The following TMEM39B variants were observed in gnomAD, a reference collection of about 807,000 sequenced individuals.
The protein encoded by TMEM39B is transmembrane protein 39B.
TMEM39B carries 23 observed loss-of-function variants against 52.2 expected under a neutral mutation model. That is an observed-to-expected ratio of 0.44 (90% confidence interval 0.32 to 0.62). TMEM39B has a LOEUF of 0.62. TMEM39B is among the 20% of genes least tolerant of loss of function. TMEM39B has a pLI of 0.06. For synonymous variants in TMEM39B, 285 were observed against 264.0 expected, an observed-to-expected ratio of 1.08 and a Z score of -0.77; for missense variants, 547 against 642.0, an observed-to-expected ratio of 0.85 and a Z score of 1.60.
intron 7 of TMEM39B, among the ~76,000 whole-genome samples, chr1:32,098,190 G>A (rs1357899803): frequency 6.6e-6 from 1 of 151,294 alleles, no homozygotes; most frequent in Non-Finnish European, 1.5e-5. Flanking sequence ...TAGTAGAGAC[G>A]GGGTTTCACC....
chr1:32,091,812 G>C lies in TMEM39B; in HGVS notation c.728G>C (p.Arg243Pro). The change falls in exon 6 of 9, where the codon CGG (arginine) becomes CCG (proline). Residue 243 changes from arginine (R) to proline (P), a missense_variant. Arg to Pro is a moderately radical substitution (Grantham distance 103). Transcript: ENST00000336294. ...AGCCGGGACTACCTCCTGACACTGC[G>C]GGAGACGTGGAAGCAGCACACAAGA... ...AKSRDYLLTL[R>P]ETWKQHTRQL... 6.2e-7 allele frequency: 1 copy of C among 1,614,206 alleles called. No homozygotes were observed. The highest frequency in any genetic ancestry group is 2.2e-5 in the East Asian group (1 of 44,878).
At chr1:32,085,295 C>G (rs1422003689) in intron 5 of TMEM39B, among the ~76,000 whole-genome samples, 2 of 143,544 alleles carry the variant, frequency 1.4e-5, no homozygotes, top group Non-Finnish European at 2.9e-5. Context: ...TATTTAATCT[C>G]TCTCTCTCTC....
chr1:32,094,807 C>T lies in TMEM39B; in HGVS notation c.951C>T (p.Arg317=). The change falls in exon 7 of 9, where the codon CGC becomes CGT. Residue 317 remains arginine (R), a synonymous_variant. Transcript: ENST00000336294. ...FVKNTHYYDK[R]WSCELFLLVS... ...AGAACACACATTACTATGACAAGCG[C>T]TGGTCCTGTGAACTCTTCCTGCTGG... 1 of 1,614,252 alleles carries T rather than the reference C, an allele frequency of 6.2e-7. No homozygotes were observed. The highest frequency in any genetic ancestry group is 8.5e-7 in the Non-Finnish European group (1 of 1,180,044).
chr1:32,075,762 C>T lies in TMEM39B; in HGVS notation c.291C>T (p.Ile97=). The change falls in exon 3 of 9, where the codon ATC becomes ATT. Residue 97 remains isoleucine, a synonymous_variant. Transcript: ENST00000336294. ...CQLIALFVHY[I]NIYKTVWWYP... ...TCATAGCACTCTTCGTCCACTACAT[C>T]AACATCTACAAGACAGTGTGGTGGT... The T allele has an allele frequency of 1.3e-6, 2 of 1,550,732 alleles. No individual in the cohort carries two copies. The highest frequency in any genetic ancestry group is 4.9e-5 in the East Asian group (2 of 40,892).
Position 32,078,733 on chromosome 1 carries a change from T to C in TMEM39B, c.590+1415T>C, listed in dbSNP as rs374098010. ...TCGGCTCACTGCAACCTCTGCCTCC[T>C]GGATTCAAGCAATTTTCCTGCCTCA... On this transcript the variant is annotated intron_variant, in intron 5 of 8. Transcript: ENST00000336294. 6.7e-5 allele frequency among the ~76,000 whole-genome samples: 10 copies of C among 150,262 alleles called. No homozygotes were observed. The South Asian group carries it at 2.1e-3, about 32-fold the overall frequency.
At position 32,072,994 on chromosome 1, in the gene TMEM39B, A is replaced by G; in HGVS notation, c.-54A>G. ...CCTCTCCCGGCCGCCGTCGCCTCCGACATATTGCCCGCAGGAGCTGCGGCG... is the reference window on the plus strand; with the variant it reads ...CCTCTCCCGGCCGCCGTCGCCTCCGGCATATTGCCCGCAGGAGCTGCGGCG... On this transcript the variant is annotated 5_prime_UTR_variant, in exon 1 of 9. Coordinates refer to ENST00000336294, the MANE Select transcript of TMEM39B (RefSeq NM_018056.4). 3 of 1,532,998 alleles carry G rather than the reference A, an allele frequency of 2.0e-6. No individual in the cohort carries two copies. The highest frequency in any genetic ancestry group is 2.6e-6 in the Non-Finnish European group (3 of 1,138,510). The allele number at this position is 1,532,998 out of a possible 1,614,324, so 95.0% of individuals were successfully genotyped here. A position where few individuals can be genotyped will look rare whatever the true frequency, so the allele number is the denominator to read the frequency against.
chr1:32,091,493 T>TA (rs1319157540), intron 5 of TMEM39B, among the ~76,000 whole-genome samples, 182 bp from the exon 6 acceptor site: 1 of 152,176 alleles, frequency 6.6e-6, no homozygotes, highest in Non-Finnish European at 1.5e-5. Flanking sequence ...CGAGTGGTAA[T>TA]ACGTGTGCTG....
rs202046294 is a variant in TMEM39B at position 32,102,547 on chromosome 1, G to C, written c.1353G>C (p.Ser451=). The change falls in exon 9 of 9, where the codon TCG becomes TCC. Residue 451 remains serine (S), a synonymous_variant. Coordinates refer to ENST00000336294, the MANE Select transcript of TMEM39B (RefSeq NM_018056.4). ...CTGAAAAGTGGCACCAGACCATCTC[G>C]CTGGCCCTCATCCTCTTCAGCAACT... ...MSSEKWHQTI[S]LALILFSNYY... is the part of the protein sequence containing the mutation. 6.2e-7 allele frequency: 1 copy of C among 1,614,124 alleles called. No homozygotes were observed. Among genetic ancestry groups the C allele is most frequent in the South Asian group, 1.1e-5 (1 of 91,078 alleles).
intron 6 of TMEM39B, 103 bp downstream of exon 6, chr1:32,092,114 G>A (rs1344677801): frequency 6.5e-6 from 7 of 1,083,378 alleles, no homozygotes; most frequent in Non-Finnish European, 9.3e-6. Context: ...TGTTTTTGAT[G>A]TGATTTCCCA....
At chr1:32,092,466 T>C (rs933511028) in intron 6 of TMEM39B, among the ~76,000 whole-genome samples, 2 of 151,960 alleles carry the variant, frequency 1.3e-5, no homozygotes, top group African/African-American at 4.8e-5. Flanking sequence ...CCTGTGTCCA[T>C]TTTATTTTAC....
Position 32,072,962 on chromosome 1 carries a change from G to C in TMEM39B, c.-86G>C. ...CTGATACCCGGGACTGGGCTGCGGC[G>C]GTTAGTCCTCTCCCGGCCGCCGTCG... On this transcript the variant is annotated 5_prime_UTR_variant, in exon 1 of 9. Transcript: ENST00000336294. The C allele has an allele frequency of 2.0e-6, 3 of 1,505,122 alleles. No individual in the cohort carries two copies. Among genetic ancestry groups the C allele is most frequent in the Non-Finnish European group, 2.7e-6 (3 of 1,118,442 alleles). 93.2% of individuals were successfully genotyped at this position (1,505,122 alleles called of 1,614,324 possible).
At chr1:32,091,572 A>T in intron 5 of TMEM39B, 103 bp from the exon 6 acceptor site, 1 of 1,334,448 alleles carries the variant, frequency 7.5e-7, no homozygotes, top group Non-Finnish European at 1.0e-6. Context: ...CTGGGCAGCC[A>T]GGAGAGCTGA....
chr1:32,095,492 A>G (rs1309575162), intron 7 of TMEM39B, among the ~76,000 whole-genome samples: 2 of 152,112 alleles, frequency 1.3e-5, no homozygotes, highest in African/African-American at 4.8e-5. Flanking sequence ...GTGCTGTGCT[A>G]GTTGATGCTG....
intron 7 of TMEM39B, among the ~76,000 whole-genome samples, chr1:32,099,942 C>A (rs188283860): frequency 6.6e-6 from 1 of 152,098 alleles, no homozygotes; most frequent in East Asian, 1.9e-4. Flanking sequence ...AGCTACTCTT[C>A]AGGCTGAGGC....
In TMEM39B at chr1:32,096,854, G is replaced by T. The variant is rs543493639; in HGVS notation, c.1115+1883G>T. ...AGGTCCCACTCTGTCTCCCAGGCTG[G>T]AGTGCAGTGGTGCAATCACAGCTCA... On this transcript the variant is annotated intron_variant, in intron 7 of 8. Transcript: ENST00000336294. Among the ~76,000 whole-genome samples the T allele has an allele frequency of 1.4e-3, 214 of 151,880 alleles. 1 individual carries two copies. Among genetic ancestry groups the T allele is most frequent in the African/African-American group, 4.9e-3 (205 of 41,430 alleles).
chr1:32,083,676 C>T (rs1311985759), intron 5 of TMEM39B, among the ~76,000 whole-genome samples: 2 of 151,992 alleles, frequency 1.3e-5, no homozygotes, highest in African/African-American at 4.8e-5. Flanking sequence ...TCCATCTCAG[C>T]TTCCCAAAGT....
intron 7 of TMEM39B, among the ~76,000 whole-genome samples, chr1:32,097,799 C>T (rs1362084955): frequency 1.3e-5 from 2 of 151,888 alleles, no homozygotes; most frequent in Non-Finnish European, 1.5e-5. Flanking sequence ...TGCCCGCCAC[C>T]GCACCTGGCT....
At chr1:32,082,518 AAT>A (rs979592053) in intron 5 of TMEM39B, among the ~76,000 whole-genome samples, 27 of 151,058 alleles carry the variant, frequency 1.8e-4, no homozygotes, top group Middle Eastern at 3.5e-3. Context: ...GCAGTGTCAC[AAT>A]CTCAGCTCAC....
intron 5 of TMEM39B, among the ~76,000 whole-genome samples, chr1:32,085,193 T>C (rs1201753277): frequency 6.6e-6 from 1 of 152,152 alleles, no homozygotes; most frequent in Admixed American, 6.5e-5. Context: ...TGATAATATC[T>C]TCCTTTTAAT....
Sources: allele counts gnomAD v4.1 joint callset (sites outside exome capture counted in the v4.1 genomes callset), GRCh38; gene constraint gnomAD v4.1.1; transcripts MANE v1.5; gene names NCBI Gene and HGNC (gene_info 2026-07-23, HGNC 2026-07-21).